ZBTB45: variants seen among roughly 807,000 people sequenced by gnomAD.
The protein encoded by ZBTB45 is zinc finger and BTB domain containing 45.
Under a neutral mutation model 28.4 loss-of-function variants are expected in ZBTB45, and 22 were observed. The observed-to-expected ratio is 0.77, with a 90% CI of 0.55 to 1.10. The LOEUF is 1.10. ZBTB45 is among the 50% of genes least tolerant of loss of function. The pLI is 0.00. For synonymous variants in ZBTB45, 361 were observed against 332.3 expected (o/e 1.09, Z -0.94); for missense variants, 656 against 750.2 (o/e 0.87, Z 1.47).
rs373669806 is a variant in ZBTB45, at chr19:58,517,050, G to A, written c.624C>T (p.Asp208=). 180 of 1,613,106 alleles carry A rather than the reference G, an allele frequency of 1.1e-4. No homozygotes were observed. Among genetic ancestry groups the A allele is most frequent in the Non-Finnish European group, 1.4e-4 (162 of 1,180,016 alleles). Residue 208 remains aspartate, a synonymous_variant, in exon 2 of 3, where the codon GAC becomes GAT. Coordinates refer to ENST00000594051, the MANE Select transcript of ZBTB45 (RefSeq NM_001316979.2). The part of the protein sequence containing the change: ...SLSAAPDDRG[D]EDDEESDDET... The stretch of plus-strand genomic sequence containing the variant: ...CATCGTCACTTTCCTCGTCATCCTC[G>A]TCACCTCGGTCATCAGGGGCCGCGG...
At chr19:58,526,511 T>TTAG (rs1440044358) in intron 1 of ZBTB45, among the ~76,000 whole-genome samples, 1 of 13,410 alleles carries the variant, frequency 7.5e-5, no homozygotes, top group Non-Finnish European at 6.7e-4. Flanking sequence ...CGCCTGGCTG[T>TTAG]TATTATTATT....
chr19:58,538,137 C>T (rs2053670577), intron 1 of ZBTB45, among the ~76,000 whole-genome samples: 2 of 152,150 alleles, frequency 1.3e-5, no homozygotes, highest in East Asian at 3.8e-4. Flanking sequence ...CGTTCCTGGC[C>T]ACAGCAAATA....
upstream of ZBTB45, among the ~76,000 whole-genome samples, chr19:58,523,771 C>G (rs1379252117): frequency 1.5e-5 from 2 of 134,078 alleles, no homozygotes; most frequent in Non-Finnish European, 3.3e-5. Context: ...CCTGGGTTCA[C>G]GTCATTCTCC....
In ZBTB45 at chr19:58,528,487, C is replaced by T. The variant is rs1163346200; in HGVS notation, c.-1+10214G>A. ...CAAAAAAAAAAAAAAAGTCCAGGTG[C>T]GGTGGCTCACGCCTATAATCCCAGC... On this transcript the variant is annotated intron_variant, in intron 1 of 1. Transcript: ENST00000600130. Among the ~76,000 whole-genome samples, 5 of 149,816 alleles carry T rather than the reference C, an allele frequency of 3.3e-5. No homozygotes were observed. The East Asian group carries it at 6.0e-4, about 18-fold the overall frequency.
rs773899965 is a variant in ZBTB45, at chr19:58,516,776, C to T, written c.898G>A (p.Glu300Lys). Residue 300 changes from glutamate to lysine, a missense_variant, in exon 2 of 3, where the codon GAA becomes AAA. By Grantham distance (56) the Glu-to-Lys change is moderately conservative (BLOSUM62 1). Transcript: ENST00000594051. This position sits in a 1 kb window ranked among gnomAD's most constrained non-coding sequence, Gnocchi z 6.2. ...ACAGGGGTCTCAGTGGGACAGCCTT[C>T]GGGGACAGCGCCATCCTCGTCGTGC... is the stretch of plus-strand genomic sequence containing the variant. The part of the protein sequence containing the change: ...TWHDEDGAVP[E>K]GCPTETPVQP... 15 of 1,613,528 alleles carry T rather than the reference C, an allele frequency of 9.3e-6. No individual in the cohort carries two copies. Among genetic ancestry groups the T allele is most frequent in the South Asian group, 3.3e-5 (3 of 91,066 alleles).
chr19:58,536,534 T>G (rs1282158620), intron 1 of ZBTB45, among the ~76,000 whole-genome samples: 6 of 150,508 alleles, frequency 4.0e-5, no homozygotes, highest in Non-Finnish European at 8.9e-5. Context: ...TTCCAGCTAC[T>G]CAGGAGGCTA....
At chr19:58,528,767 G>A (rs2053620801) in intron 1 of ZBTB45, among the ~76,000 whole-genome samples, 2 of 151,776 alleles carry the variant, frequency 1.3e-5, no homozygotes, top group South Asian at 2.1e-4. Flanking sequence ...GGTGGCATGC[G>A]CCTGTAGTGC....
Position 58,517,183 on chromosome 19 carries a change from T to C in ZBTB45, c.491A>G (p.His164Arg). 1 of 1,605,886 alleles carries C rather than the reference T, an allele frequency of 6.2e-7. No individual in the cohort carries two copies. Among genetic ancestry groups the C allele is most frequent in the South Asian group, 1.1e-5 (1 of 90,812 alleles). ...RHLLAARPPG[H>R]PGAAHSRKQR... ...CTTACGGCTGTGTGCAGCACCGGGGTGCCCCGGGGGACGTGCAGCCAGCAG... is the reference window on the plus strand; with the variant it reads ...CTTACGGCTGTGTGCAGCACCGGGGCGCCCCGGGGGACGTGCAGCCAGCAG... The change falls in exon 2 of 3, where the codon CAC becomes CGC. Residue 164 changes from histidine to arginine, a missense_variant. Physicochemically the swap from His to Arg is conservative, Grantham distance 29. Transcript: ENST00000594051.
intron 1 of ZBTB45, among the ~76,000 whole-genome samples, chr19:58,538,094 T>G (rs1344697100): frequency 2.0e-5 from 3 of 151,814 alleles, no homozygotes; most frequent in African/African-American, 7.3e-5. Flanking sequence ...CACCTCGGCC[T>G]CCCAAAGTGC....
At chr19:58,527,387 C>T (rs984279435) in intron 1 of ZBTB45, among the ~76,000 whole-genome samples, 3 of 152,174 alleles carry the variant, frequency 2.0e-5, no homozygotes, top group African/African-American at 4.8e-5. Flanking sequence ...AGAACATCTC[C>T]ATCACCTCCA....
At chr19:58,532,030 C>T (rs374418364) in intron 1 of ZBTB45, among the ~76,000 whole-genome samples, 4 of 152,008 alleles carry the variant, frequency 2.6e-5, no homozygotes, top group Non-Finnish European at 5.9e-5. Flanking sequence ...TGTCCTCCCC[C>T]CTCCTTCCTT....
At chr19:58,528,238 G>A (rs868495816) in intron 1 of ZBTB45, among the ~76,000 whole-genome samples, 4 of 152,094 alleles carry the variant, frequency 2.6e-5, no homozygotes, top group African/African-American at 9.7e-5. Flanking sequence ...GACACTTCCT[G>A]TTTACAGGAG....
chr19:58,523,408 C>T (rs1459388848), upstream of ZBTB45, among the ~76,000 whole-genome samples: 4 of 150,930 alleles, frequency 2.7e-5, no homozygotes, highest in Admixed American at 6.6e-5. Flanking sequence ...TGGCCGAGCA[C>T]GGTGGCTCAT....
At chr19:58,538,476 C>A (rs149187465) in intron 1 of ZBTB45, among the ~76,000 whole-genome samples, 5 of 152,006 alleles carry the variant, frequency 3.3e-5, no homozygotes, top group African/African-American at 4.8e-5. Flanking sequence ...GTGACTATGC[C>A]GCGGATGGGG....
chr19:58,521,510 A>C (rs2053578730), upstream of ZBTB45, among the ~76,000 whole-genome samples: 1 of 151,978 alleles, frequency 6.6e-6, no homozygotes, highest in African/African-American at 2.4e-5. Context: ...AGTCCATACC[A>C]CACCTTGATT....
At position 58,513,634 on chromosome 19, in the gene ZBTB45, T is replaced by G; in HGVS notation, c.*420A>C. 9.4e-5 allele frequency: 16 copies of G among 170,636 alleles called. No homozygotes were observed. Among genetic ancestry groups the G allele is most frequent in the South Asian group, 1.9e-4 (1 of 5,216 alleles). 10.6% of individuals were successfully genotyped at this position (170,636 alleles called of 1,614,324 possible). The stretch of plus-strand genomic sequence containing the variant: ...CACTTGAGTCTCCTTAGGCGCCCCA[T>G]GAGGGAGTAACAGCTTGGGTAGAGA... On this transcript the variant is annotated 3_prime_UTR_variant, in exon 3 of 3. Transcript: ENST00000594051.
chr19:58,536,974 G>A (rs920866839), intron 1 of ZBTB45, among the ~76,000 whole-genome samples: 2 of 152,166 alleles, frequency 1.3e-5, no homozygotes, highest in Non-Finnish European at 2.9e-5. Flanking sequence ...GAGCATGGAG[G>A]ACAGAAGTAT....
chr19:58,530,034 C>G (rs1015209212), intron 1 of ZBTB45, among the ~76,000 whole-genome samples: 1 of 152,074 alleles, frequency 6.6e-6, no homozygotes. Flanking sequence ...AAAACCCTGT[C>G]TCTACAAAAA....
Position 58,516,681 on chromosome 19 carries a change from G to T in ZBTB45, c.993C>A (p.Leu331=), listed in dbSNP as rs2053502221. 6.4e-7 allele frequency: 1 copy of T among 1,572,718 alleles called. No individual in the cohort carries two copies. Among genetic ancestry groups the T allele is most frequent in the South Asian group, 1.2e-5 (1 of 83,986 alleles). The part of the protein sequence containing the change: ...GVKTPGPPVA[L]FPFHLGAPGP... ...CAGGGGCACCCAAGTGAAAGGGGAA[G>T]AGTGCAACGGGCGGCCCTGGGGTCT... Residue 331 remains leucine, a synonymous_variant, in exon 2 of 3, where the codon CTC becomes CTA. Transcript: ENST00000594051. This position sits in a 1 kb window ranked among gnomAD's most constrained non-coding sequence, Gnocchi z 6.2.
Sources: allele counts gnomAD v4.1 joint callset (sites outside exome capture counted in the v4.1 genomes callset), GRCh38; gene constraint gnomAD v4.1.1; non-coding constraint Gnocchi (gnomAD v3.1); transcripts MANE v1.5; gene names NCBI Gene and HGNC (gene_info 2026-07-23, HGNC 2026-07-21).